CTSH: variants seen among roughly 807,000 people sequenced by gnomAD.
CTSH encodes the protein cathepsin H.
A neutral mutation model predicts 56.3 loss-of-function variants in CTSH; 52 were observed. That is an observed-to-expected ratio of 0.92 (90% confidence interval 0.74 to 1.16). The LOEUF is 1.16. Ranked by LOEUF, CTSH falls within the 50% of genes most tolerant of loss-of-function variation. The pLI, the probability that CTSH is intolerant of heterozygous loss-of-function variation, is 0.00. For synonymous variants in CTSH, 174 were observed against 155.7 expected (o/e 1.12, Z -0.88); for missense variants, 406 against 424.5 (o/e 0.96, Z 0.38).
intron 9 of CTSH, 123 bp from the exon 10 acceptor site, chr15:78,925,563 C>T: frequency 1.5e-6 from 1 of 646,656 alleles, no homozygotes; most frequent in East Asian, 2.9e-5. Flanking sequence ...CCAGAAGCAG[C>T]TCCCCTGCGG....
intron 2 of CTSH, chr15:78,937,808 A>G (rs1433845898): frequency 1.0e-5 from 13 of 1,295,230 alleles, no homozygotes; most frequent in Non-Finnish European, 1.1e-5. Context: ...ACCAGTACAC[A>G]GTGTGCTTTG....
chr15:78,929,337 C>T, intron 8 of CTSH, 75 bp downstream of exon 8: 2 of 1,153,974 alleles, frequency 1.7e-6, no homozygotes, highest in Non-Finnish European at 1.3e-6. Flanking sequence ...GAAGGGATGT[C>T]TTCCAAGGCT....
At chr15:78,935,886 G>A in intron 3 of CTSH, 136 bp from the exon 4 acceptor site, 1 of 615,956 alleles carries the variant, frequency 1.6e-6, no homozygotes, top group Non-Finnish European at 2.9e-6. Context: ...TTAAGTTTTT[G>A]TATTTAATAT....
chr15:78,935,996 A>T (rs1193644452), intron 3 of CTSH, among the ~76,000 whole-genome samples: 3 of 152,018 alleles, frequency 2.0e-5, no homozygotes, highest in African/African-American at 7.2e-5. Flanking sequence ...AGAGATGCTA[A>T]TGCAGTTGGT....
intron 10 of CTSH, among the ~76,000 whole-genome samples, chr15:78,923,631 C>T (rs1212801394): frequency 1.3e-5 from 2 of 152,138 alleles, no homozygotes; most frequent in Admixed American, 1.3e-4. Flanking sequence ...AGGAGAATCT[C>T]CATATGGTGC....
chr15:78,944,838 C>A (rs1036937), intron 1 of CTSH, 53 bp downstream of exon 1: 978,692 of 1,504,334 alleles, frequency 0.65, 333,474 homozygotes, highest in Non-Finnish European at 0.7. Flanking sequence ...GTTCTCCCAG[C>A]GTCCACTCTA....
intron 5 of CTSH, among the ~76,000 whole-genome samples, chr15:78,932,836 G>A (rs2141538924): frequency 6.6e-6 from 1 of 152,072 alleles, no homozygotes; most frequent in Non-Finnish European, 1.5e-5. Flanking sequence ...CAGTCTTCTG[G>A]CTCTCTTCCT....
At chr15:78,937,905 T>C (rs2055210406) in intron 2 of CTSH, 1 of 868,590 alleles carries the variant, frequency 1.2e-6, no homozygotes, top group Non-Finnish European at 1.6e-6. Context: ...GATACATTCA[T>C]ATAATGTGTA....
chr15:78,937,840 A>G (rs1210607603), intron 2 of CTSH: 1 of 1,279,864 alleles, frequency 7.8e-7, no homozygotes, highest in South Asian at 1.2e-5. Context: ...ACAAATGTGT[A>G]TAATTTTTTA....
intron 10 of CTSH, among the ~76,000 whole-genome samples, chr15:78,924,443 GGGAGA>G (rs1300494469): frequency 4.6e-5 from 7 of 151,992 alleles, no homozygotes; most frequent in East Asian, 3.9e-4. Context: ...GCCTCAGGGA[GGGAGA>G]GGAGAGCACA....
intron 8 of CTSH, 40 bp from the exon 9 acceptor site, chr15:78,927,821 C>T: frequency 6.4e-7 from 1 of 1,565,554 alleles, no homozygotes; most frequent in African/African-American, 1.4e-5. Flanking sequence ...AGGTTATGGA[C>T]CCGAAGTCTC....
chr15:78,921,232 G>T lies in CTSH; in HGVS notation c.*898C>A, dbSNP rs1373100340. On this transcript the variant is annotated 3_prime_UTR_variant, in exon 12 of 12. Transcript: ENST00000220166. ...ACAAAGAGCTGGTGGACTCCAGCTT[G>T]TTCTACAGACATCCCAGAGCCCGGA... 6.6e-6 allele frequency: 1 copy of T among 152,224 alleles called. No individual in the cohort carries two copies. The highest frequency in any genetic ancestry group is 2.4e-5 in the African/African-American group (1 of 41,452). 9.4% of individuals were successfully genotyped at this position (152,224 alleles called of 1,614,324 possible).
At chr15:78,929,515 G>T in intron 7 of CTSH, 22 bp from the exon 8 acceptor site, 1 of 1,578,206 alleles carries the variant, frequency 6.3e-7, no homozygotes, top group Non-Finnish European at 8.7e-7. Context: ...ACACACAGGT[G>T]AGCCCACCTG....
chr15:78,926,359 CAG>C (rs2054903565), intron 9 of CTSH: 2 of 152,290 alleles, frequency 1.3e-5, no homozygotes, highest in African/African-American at 4.8e-5. Context: ...CCCAACAGGT[CAG>C]GGCATATCTG....
chr15:78,937,224 T>G, intron 3 of CTSH, 94 bp downstream of exon 3: 3 of 972,566 alleles, frequency 3.1e-6, no homozygotes, highest in Non-Finnish European at 4.9e-6. Flanking sequence ...CCTGGGCTTC[T>G]GCTCCCTCCA....
At position 78,937,317 on chromosome 15, in the gene CTSH, C is replaced by G. The variant is rs765902150; in HGVS notation, c.229+1G>C. The G allele has an allele frequency of 3.1e-6, 5 of 1,612,890 alleles. No homozygotes were observed. The South Asian group carries it at 5.5e-5, about 18-fold the overall frequency. The stretch of plus-strand genomic sequence containing the variant: ...GGAAGGAAGGAAGGCGTTCCACGTA[C>G]TTTTAAATGTGTGGTTCCCATTGTT... On this transcript the variant is annotated splice_donor_variant, in intron 3 of 11. Coordinates refer to ENST00000220166, the MANE Select transcript of CTSH (RefSeq NM_004390.5). LOFTEE classifies it high-confidence loss of function.
At chr15:78,927,823 C>CG in intron 8 of CTSH, 42 bp from the exon 9 acceptor site, 1 of 1,559,392 alleles carries the variant, frequency 6.4e-7, no homozygotes, top group Non-Finnish European at 8.8e-7. Context: ...GTTATGGACC[C>CG]GAAGTCTCAG....
intron 2 of CTSH, 147 bp from the exon 3 acceptor site, chr15:78,937,570 C>A: frequency 7.3e-7 from 1 of 1,372,392 alleles, no homozygotes; most frequent in South Asian, 1.5e-5. Context: ...CGGGGTACTG[C>A]TGAGAAATTT....
chr15:78,939,639 G>C (rs953536893), intron 1 of CTSH, among the ~76,000 whole-genome samples: 1 of 152,218 alleles, frequency 6.6e-6, no homozygotes, highest in African/African-American at 2.4e-5. Flanking sequence ...TGTAATCCCA[G>C]CACTTTGGGA....
Sources: allele counts gnomAD v4.1 joint callset (sites outside exome capture counted in the v4.1 genomes callset), GRCh38; gene constraint gnomAD v4.1.1; transcripts MANE v1.5; gene names NCBI Gene and HGNC (gene_info 2026-07-23, HGNC 2026-07-21).